Variants in PCDHGA4 observed in about 807,000 individuals in gnomAD.
PCDHGA4 encodes protocadherin gamma subfamily A, 4.
In PCDHGA4, 38 loss-of-function variants were observed where a neutral mutation model predicts 54.6. The ratio of observed to expected loss-of-function variants is 0.70; its 90% CI spans 0.54 to 0.91. PCDHGA4 has a LOEUF of 0.91. Among genes scored for constraint, PCDHGA4 ranks in the 40% least tolerant of loss-of-function variants. The pLI is 0.00. For missense variants in PCDHGA4, 1,298 were observed against 1,220.9 expected (o/e 1.06, Z -0.94); for synonymous variants, 511 against 512.9 (o/e 1.00, Z 0.05).
chr5:141,415,044 G>T, intron 1 of PCDHGA4: 2 of 1,613,506 alleles, frequency 1.2e-6, no homozygotes, highest in East Asian at 2.2e-5. Flanking sequence ...TCTTCGCGGT[G>T]GGGGAGCACA....
intron 1 of PCDHGA4, chr5:141,390,350 A>G: frequency 6.4e-7 from 1 of 1,563,816 alleles, no homozygotes; most frequent in South Asian, 1.2e-5. Context: ...AAGAAAATAT[A>G]CATATTTGCA....
intron 1 of PCDHGA4, among the ~76,000 whole-genome samples, chr5:141,386,272 C>T (rs997122540): frequency 1.3e-5 from 2 of 152,150 alleles, no homozygotes; most frequent in African/African-American, 2.4e-5. Context: ...TAACTACTTC[C>T]ATATTCTTTT....
intron 2 of PCDHGA4, among the ~76,000 whole-genome samples, chr5:141,501,092 C>A: frequency 6.6e-6 from 1 of 152,118 alleles, no homozygotes; most frequent in East Asian, 1.9e-4. Flanking sequence ...TGGTCTCAAT[C>A]TCTTGACCTC....
Position 141,398,701 on chromosome 5 carries a change from C to T in PCDHGA4, c.2514+41080C>T, listed in dbSNP as rs757215015. On this transcript the variant is annotated intron_variant, in intron 1 of 3. Transcript: ENST00000571252. Reference sequence around the variant, plus strand: ...GGAGAAACAGGATGGTAGTAAATACCCGGAACTGGCACTGGAGAAAACCTT... The same window carrying T: ...GGAGAAACAGGATGGTAGTAAATACTCGGAACTGGCACTGGAGAAAACCTT... The T allele has an allele frequency of 1.2e-5, 20 of 1,613,658 alleles. No homozygotes were observed. In the Admixed American group the frequency reaches 3.3e-4, roughly 27 times the overall value.
intron 1 of PCDHGA4, among the ~76,000 whole-genome samples, chr5:141,455,250 A>C (rs1016027355): frequency 2.0e-5 from 3 of 152,172 alleles, no homozygotes; most frequent in Non-Finnish European, 2.9e-5. Flanking sequence ...GTCATAGTAC[A>C]ATCGCATTTC....
In PCDHGA4 at chr5:141,385,111, T is replaced by G. The variant is rs373196114; in HGVS notation, c.2514+27490T>G. 2.8e-5 allele frequency: 46 copies of G among 1,614,188 alleles called. No individual in the cohort carries two copies. The African/African-American group carries it at 5.6e-4, about 20-fold the overall frequency. On this transcript the variant is annotated intron_variant, in intron 1 of 3. Transcript: ENST00000571252. ...AGGTGGCTTGGCGAACGTGCCCACCTCGCACTTTGTGGGCATGGACGGGGT... is the reference window on the plus strand; with the variant it reads ...AGGTGGCTTGGCGAACGTGCCCACCGCGCACTTTGTGGGCATGGACGGGGT...
chr5:141,393,578 G>A (rs748225192), intron 1 of PCDHGA4: 2 of 1,613,812 alleles, frequency 1.2e-6, no homozygotes, highest in South Asian at 1.1e-5. Context: ...TTGAGAACAT[G>A]CCCCCAGGCA....
At chr5:141,481,592 C>T (rs765060653) in intron 1 of PCDHGA4, among the ~76,000 whole-genome samples, 2 of 152,112 alleles carry the variant, frequency 1.3e-5, no homozygotes, top group East Asian at 1.9e-4. Context: ...CTGAGGCCAG[C>T]GGATCACCTG....
Position 141,511,151 on chromosome 5 carries a change from C to G in PCDHGA4, c.2867C>G (p.Ser956Trp). The change falls in exon 4 of 4, where the codon TCG becomes TGG. Residue 956 changes from serine (S) to tryptophan (W), a missense_variant. Transcript: ENST00000571252. ...PAGGNGNKKK[S>W]GKKEKK ...GGTGGCAATGGCAACAAGAAGAAGTCGGGCAAGAAGGAGAAGAAGTAACAT... is the reference window on the plus strand; with the variant it reads ...GGTGGCAATGGCAACAAGAAGAAGTGGGGCAAGAAGGAGAAGAAGTAACAT... The G allele has an allele frequency of 6.2e-7, 1 of 1,614,152 alleles. No individual in the cohort carries two copies. Among genetic ancestry groups the G allele is most frequent in the Non-Finnish European group, 8.5e-7 (1 of 1,179,994 alleles).
At chr5:141,371,292 G>T (rs527250082) in intron 1 of PCDHGA4, 1 of 1,613,858 alleles carries the variant, frequency 6.2e-7, no homozygotes, top group South Asian at 1.1e-5. Flanking sequence ...TAAAACGGGG[G>T]AACTCACCAC....
At position 141,511,855 on chromosome 5, in the gene PCDHGA4, ATTGT is replaced by A. The variant is rs2099883980; in HGVS notation, c.*686_*689del. ...GGACCAGTCTTCTGTTTTGTTTTTCATTGTTTGACGTTTCCACTGCATGCCTTGA... is the reference window on the plus strand; with the variant it reads ...GGACCAGTCTTCTGTTTTGTTTTTCATTGACGTTTCCACTGCATGCCTTGA... On this transcript the variant is annotated 3_prime_UTR_variant, in exon 4 of 4. Coordinates refer to ENST00000571252, the MANE Select transcript of PCDHGA4 (RefSeq NM_018917.4). 1 of 156,316 alleles carries A rather than the reference ATTGT, an allele frequency of 6.4e-6. No individual in the cohort carries two copies. Among genetic ancestry groups the A allele is most frequent in the South Asian group, 2.0e-4 (1 of 5,082 alleles). The allele number at this position is 156,316 out of a possible 1,614,324, so 9.7% of individuals were successfully genotyped here.
Position 141,491,842 on chromosome 5 carries a change from T to C in PCDHGA4, c.2515-2965T>C, listed in dbSNP as rs551615550. The C allele has an allele frequency of 7.5e-6, 11 of 1,464,162 alleles. No homozygotes were observed. In the South Asian group the frequency reaches 1.3e-4, roughly 17 times the overall value. 90.7% of individuals were successfully genotyped at this position (1,464,162 alleles called of 1,614,324 possible). ...GCGCTCCACCCGATTCTCGGGATCA[T>C]TGGACCGTTTGCGCGAAACCAGAGT... On this transcript the variant is annotated intron_variant, in intron 1 of 3. Transcript: ENST00000571252. The surrounding 1 kb of genome is among the most constrained non-coding windows in gnomAD (Gnocchi z 6.9).
intron 1 of PCDHGA4, among the ~76,000 whole-genome samples, chr5:141,438,587 CAT>C (rs1372372472): frequency 3.8e-4 from 28 of 73,432 alleles, no homozygotes; most frequent in African/African-American, 1.4e-3. Flanking sequence ...TACATACATA[CAT>C]ACATATATAT....
At chr5:141,484,383 A>C (rs968059260) in intron 1 of PCDHGA4, among the ~76,000 whole-genome samples, 1 of 152,194 alleles carries the variant, frequency 6.6e-6, no homozygotes, top group Non-Finnish European at 1.5e-5. Context: ...ATGTCTGAAT[A>C]AGAAAGGTTT....
chr5:141,399,346 GACCGAGAGCAA>G, intron 1 of PCDHGA4: 1 of 1,613,890 alleles, frequency 6.2e-7, no homozygotes, highest in Non-Finnish European at 8.5e-7. Flanking sequence ...TGGAACCCTA[GACCGAGAGCAA>G]ACCCCGGAGT....
intron 1 of PCDHGA4, among the ~76,000 whole-genome samples, chr5:141,363,376 T>C (rs1762901403): frequency 6.6e-6 from 1 of 152,228 alleles, no homozygotes; most frequent in Admixed American, 6.5e-5. Context: ...TCAAGAGGTT[T>C]TTCTATTTCT....
At chr5:141,375,779 G>C (rs749559180) in intron 1 of PCDHGA4, 1 of 1,614,176 alleles carries the variant, frequency 6.2e-7, no homozygotes, top group South Asian at 1.1e-5. Flanking sequence ...CCTGTACCCC[G>C]CCCTCCCCAC....
chr5:141,403,787 T>A (rs1213408515), intron 1 of PCDHGA4: 3 of 1,613,818 alleles, frequency 1.9e-6, no homozygotes, highest in Non-Finnish European at 2.5e-6. Flanking sequence ...AAAAGTGGCA[T>A]ACAAATTCTG....
At chr5:141,471,860 A>G (rs1470502617) in intron 1 of PCDHGA4, among the ~76,000 whole-genome samples, 1 of 152,202 alleles carries the variant, frequency 6.6e-6, no homozygotes, top group Non-Finnish European at 1.5e-5. Flanking sequence ...AAAAAGCAAA[A>G]CTGTGGTTGC....
Sources: allele counts gnomAD v4.1 joint callset (sites outside exome capture counted in the v4.1 genomes callset), GRCh38; gene constraint gnomAD v4.1.1; non-coding constraint Gnocchi (gnomAD v3.1); transcripts MANE v1.5; gene names NCBI Gene and HGNC (gene_info 2026-07-23, HGNC 2026-07-21).